RBFOX3: variants seen among roughly 807,000 people sequenced by gnomAD.
RBFOX3 encodes RNA binding protein fox-1 homolog 3.
In RBFOX3, 17 loss-of-function variants were observed where a neutral mutation model predicts 48.7. The ratio of observed to expected loss-of-function variants is 0.35; its 90% CI spans 0.24 to 0.52. The LOEUF is 0.52. Among genes scored for constraint, RBFOX3 ranks in the 20% least tolerant of loss-of-function variants. The pLI is 0.94. For synonymous variants in RBFOX3, 212 were observed against 209.5 expected, an observed-to-expected ratio of 1.01 and a Z score of -0.10; for missense variants, 382 against 497.5, an observed-to-expected ratio of 0.77 and a Z score of 2.21.
intron 2 of RBFOX3, among the ~76,000 whole-genome samples, chr17:79,394,276 G>A (rs966104525): frequency 5.9e-5 from 9 of 152,196 alleles, no homozygotes; most frequent in African/African-American, 1.9e-4. Flanking sequence ...CTGTGTCCAG[G>A]TCCAGGGAGG....
At chr17:79,542,929 G>T (rs1555790767) in intron 1 of RBFOX3, among the ~76,000 whole-genome samples, 1 of 152,114 alleles carries the variant, frequency 6.6e-6, no homozygotes, top group Non-Finnish European at 1.5e-5. Flanking sequence ...CTTTGTCCAT[G>T]TGCTGGGTCT....
At chr17:79,544,198 C>A (rs1258458843) in intron 1 of RBFOX3, among the ~76,000 whole-genome samples, 2 of 152,176 alleles carry the variant, frequency 1.3e-5, no homozygotes, top group African/African-American at 4.8e-5. Context: ...CTGACACTGG[C>A]CGGTCACTGT....
chr17:79,251,195 T>G (rs1377803480), intron 3 of RBFOX3, among the ~76,000 whole-genome samples: 11 of 152,122 alleles, frequency 7.2e-5, no homozygotes, highest in Admixed American at 7.2e-4. Context: ...GGATGCTGTC[T>G]GTGCCCTGGC....
At chr17:79,180,422 G>A (rs1021685968) in intron 4 of RBFOX3, among the ~76,000 whole-genome samples, 6 of 152,264 alleles carry the variant, frequency 3.9e-5, no homozygotes, top group East Asian at 1.9e-4. Flanking sequence ...TTTTGCTCCC[G>A]CTCTTGTTAT....
At chr17:79,115,007 G>A (rs2033435080) in intron 5 of RBFOX3, among the ~76,000 whole-genome samples, 4 of 152,220 alleles carry the variant, frequency 2.6e-5, no homozygotes, top group Admixed American at 2.6e-4. Context: ...CAGCCAAGCA[G>A]GTAGATTACA....
intron 3 of RBFOX3, among the ~76,000 whole-genome samples, chr17:79,257,939 A>G (rs1016131703): frequency 1.3e-5 from 2 of 152,058 alleles, no homozygotes; most frequent in Non-Finnish European, 2.9e-5. Context: ...ATGATGGTAC[A>G]TTTTTCAGCT....
intron 2 of RBFOX3, among the ~76,000 whole-genome samples, chr17:79,314,097 C>T (rs1568024775): frequency 6.6e-6 from 1 of 152,206 alleles, no homozygotes; most frequent in Non-Finnish European, 1.5e-5. Flanking sequence ...GAGGGGGCTA[C>T]AGACAATGGG....
chr17:79,555,321 G>A lies in RBFOX3; in HGVS notation c.-320+55505C>T, dbSNP rs1449777898. Among the ~76,000 whole-genome samples, 270 of 47,270 alleles carry A rather than the reference G, an allele frequency of 5.7e-3. 49 individuals carry two copies. Among genetic ancestry groups the A allele is most frequent in the Middle Eastern group, 0.019 (2 of 104 alleles). The allele number at this position is 47,270 out of a possible 152,430, so 31.0% of individuals were successfully genotyped here. Reference sequence around the variant, plus strand: ...TGGTGATGATGGTAGTTGTGGTGGTGGTGATGGTGGTGATGATGGTAGTTG... The same window carrying A: ...TGGTGATGATGGTAGTTGTGGTGGTAGTGATGGTGGTGATGATGGTAGTTG... On this transcript the variant is annotated intron_variant, in intron 1 of 14. Coordinates refer to ENST00000693108, the MANE Select transcript of RBFOX3 (RefSeq NM_001350451.2).
At chr17:79,344,028 C>T (rs1475467780) in intron 2 of RBFOX3, among the ~76,000 whole-genome samples, 1 of 152,202 alleles carries the variant, frequency 6.6e-6, no homozygotes, top group African/African-American at 2.4e-5. Flanking sequence ...CCATTAGTGT[C>T]TGTGACAAGG....
At position 79,480,758 on chromosome 17, in the gene RBFOX3, G is replaced by T. The variant is rs919232721; in HGVS notation, c.-175+1696C>A. On this transcript the variant is annotated intron_variant, in intron 2 of 14. Transcript: ENST00000693108. The surrounding 1 kb of genome is among the most constrained non-coding windows in gnomAD (Gnocchi z 4.8). ...GTCTTGGCTCACAACATCAGCACCGGGGCCTGCCCTTCTGTCCTGGGCAAC... is the reference window on the plus strand; with the variant it reads ...GTCTTGGCTCACAACATCAGCACCGTGGCCTGCCCTTCTGTCCTGGGCAAC... 6.6e-6 allele frequency among the ~76,000 whole-genome samples: 1 copy of T among 152,156 alleles called. No individual in the cohort carries two copies. Among genetic ancestry groups the T allele is most frequent in the Admixed American group, 6.5e-5 (1 of 15,272 alleles).
intron 3 of RBFOX3, among the ~76,000 whole-genome samples, chr17:79,257,242 C>G (rs12453306): frequency 0.081 from 12,337 of 152,282 alleles, 696 homozygotes; most frequent in South Asian, 0.19. Flanking sequence ...GCAGTCCTTC[C>G]CCAAGCCCCG....
At chr17:79,440,701 C>T (rs954342103) in intron 2 of RBFOX3, among the ~76,000 whole-genome samples, 3 of 152,176 alleles carry the variant, frequency 2.0e-5, no homozygotes, top group African/African-American at 7.2e-5. Flanking sequence ...TTGACCTTTG[C>T]CCTATGGCTC....
chr17:79,295,303 A>G (rs977598388), intron 3 of RBFOX3, among the ~76,000 whole-genome samples: 4 of 152,240 alleles, frequency 2.6e-5, no homozygotes, highest in Non-Finnish European at 4.4e-5. Flanking sequence ...TACCCTGGCA[A>G]TTGGAGCATG....
At chr17:79,136,915 C>T (rs914117455) in intron 4 of RBFOX3, among the ~76,000 whole-genome samples, 3 of 152,128 alleles carry the variant, frequency 2.0e-5, no homozygotes, top group Non-Finnish European at 4.4e-5. Context: ...GGACGATTCA[C>T]ACTCGCTCTA....
At chr17:79,545,937 T>A (rs2090367407) in intron 1 of RBFOX3, among the ~76,000 whole-genome samples, 1 of 150,298 alleles carries the variant, frequency 6.7e-6, no homozygotes. Context: ...TTGGAAAGAC[T>A]GTGTGTGTGT....
At chr17:79,274,257 G>A (rs578023948) in intron 3 of RBFOX3, among the ~76,000 whole-genome samples, 7 of 152,270 alleles carry the variant, frequency 4.6e-5, no homozygotes, top group South Asian at 4.2e-4. Flanking sequence ...TCAGGATGGC[G>A]GAGAGTTTCC....
intron 1 of RBFOX3, among the ~76,000 whole-genome samples, chr17:79,540,552 T>C (rs998735859): frequency 5.3e-5 from 8 of 152,186 alleles, no homozygotes; most frequent in Admixed American, 3.9e-4. Context: ...CAGGTGCTCC[T>C]GCTGTTCTCT....
chr17:79,184,001 A>C (rs1462043673), intron 4 of RBFOX3, among the ~76,000 whole-genome samples: 1 of 152,046 alleles, frequency 6.6e-6, no homozygotes, highest in Non-Finnish European at 1.5e-5. Flanking sequence ...GGAGAGGAGG[A>C]GCCGCTCCGC....
intron 3 of RBFOX3, among the ~76,000 whole-genome samples, chr17:79,280,526 G>A (rs4465632): frequency 0.42 from 63,520 of 152,088 alleles, 14,032 homozygotes; most frequent in East Asian, 0.8. Context: ...AAGTTCCATG[G>A]AGGGGCCTCA....
Sources: allele counts gnomAD v4.1 joint callset (sites outside exome capture counted in the v4.1 genomes callset), GRCh38; gene constraint gnomAD v4.1.1; non-coding constraint Gnocchi (gnomAD v3.1); transcripts MANE v1.5; gene names NCBI Gene and HGNC (gene_info 2026-07-23, HGNC 2026-07-21).